The following ADGRL3 variants were observed in gnomAD, a reference collection of about 807,000 sequenced individuals.
The protein encoded by ADGRL3 is calcium-independent alpha-latrotoxin receptor 3.
A neutral mutation model predicts 153.5 loss-of-function variants in ADGRL3; 62 were observed. That is an observed-to-expected ratio of 0.40 (90% confidence interval 0.33 to 0.50). ADGRL3 has a LOEUF of 0.50. Ranked by LOEUF, ADGRL3 falls within the 20% of genes least tolerant of loss-of-function variation. ADGRL3 has a pLI of 0.47. For synonymous variants in ADGRL3, 710 were observed against 672.5 expected (o/e 1.06, Z -0.86); for missense variants, 1,641 against 1,859.4 (o/e 0.88, Z 2.16).
intron 13 of ADGRL3, 108 bp downstream of exon 13, chr4:61,912,865 G>A: frequency 9.9e-7 from 1 of 1,015,042 alleles, no homozygotes; most frequent in Admixed American, 2.0e-5. Flanking sequence ...TGAAATAAAG[G>A]AATTTCATGG....
At chr4:61,244,136 G>A (rs1300790375) in intron 1 of ADGRL3, among the ~76,000 whole-genome samples, 1 of 151,962 alleles carries the variant, frequency 6.6e-6, no homozygotes, top group East Asian at 1.9e-4. Context: ...ACCTTTGGCT[G>A]TGAAAGTTTA....
chr4:61,894,681 A>G (rs901773515), intron 10 of ADGRL3, among the ~76,000 whole-genome samples: 4 of 152,202 alleles, frequency 2.6e-5, no homozygotes, highest in African/African-American at 9.7e-5. Flanking sequence ...ATTACTGTCA[A>G]TACACCCCAG....
chr4:61,629,501 G>A (rs781440260), intron 5 of ADGRL3, among the ~76,000 whole-genome samples: 3 of 151,462 alleles, frequency 2.0e-5, no homozygotes, highest in East Asian at 2.0e-4. Context: ...GGCGGGTCAC[G>A]AGGTCAGGAG....
At chr4:61,588,562 C>A (rs1050121335) in intron 5 of ADGRL3, among the ~76,000 whole-genome samples, 6 of 151,854 alleles carry the variant, frequency 4.0e-5, no homozygotes, top group African/African-American at 1.4e-4. Context: ...ATGGGCAAAT[C>A]TGAGGGCTTT....
At chr4:61,549,306 T>C (rs758846589) in intron 4 of ADGRL3, among the ~76,000 whole-genome samples, 1 of 152,104 alleles carries the variant, frequency 6.6e-6, no homozygotes. Flanking sequence ...GGATGTCTTT[T>C]ATTTCTTTTT....
At chr4:61,210,562 C>T (rs888896072) in intron 1 of ADGRL3, among the ~76,000 whole-genome samples, 3 of 152,192 alleles carry the variant, frequency 2.0e-5, no homozygotes, top group Non-Finnish European at 4.4e-5. Flanking sequence ...TCCCCATTTC[C>T]TTTTTCTCAA....
rs185603105 is a variant in ADGRL3 at position 61,654,447 on chromosome 4, A to G, written c.474-22379A>G. ...TCCAGATGAATATATAAAATTGTTA[A>G]TATGCTGTAGGGATGTACTGTCTTT... is the stretch of plus-strand genomic sequence containing the variant. On this transcript the variant is annotated intron_variant, in intron 5 of 26. Coordinates refer to ENST00000683033, the MANE Select transcript of ADGRL3 (RefSeq NM_001387552.1). Among the ~76,000 whole-genome samples, 128 of 152,188 alleles carry G rather than the reference A, an allele frequency of 8.4e-4. 1 individual carries two copies. In the East Asian group the frequency reaches 0.012, roughly 15 times the overall value.
intron 7 of ADGRL3, among the ~76,000 whole-genome samples, chr4:61,731,369 C>A (rs903962685): frequency 1.3e-5 from 2 of 152,002 alleles, no homozygotes; most frequent in Admixed American, 6.6e-5. Context: ...AAAAGCTAAT[C>A]ACTAATGCCA....
chr4:61,473,853 T>C (rs1038725577), intron 2 of ADGRL3, among the ~76,000 whole-genome samples: 1 of 152,130 alleles, frequency 6.6e-6, no homozygotes, highest in Non-Finnish European at 1.5e-5. Flanking sequence ...ATGCCAAGTC[T>C]TGTGCTAGTT....
intron 9 of ADGRL3, among the ~76,000 whole-genome samples, chr4:61,857,491 A>C (rs1228999583): frequency 1.3e-5 from 2 of 152,114 alleles, no homozygotes; most frequent in Non-Finnish European, 2.9e-5. Context: ...CACTATGATG[A>C]AACAGTGTAC....
intron 19 of ADGRL3, among the ~76,000 whole-genome samples, chr4:61,992,715 A>C (rs2099107745): frequency 6.6e-6 from 1 of 152,240 alleles, no homozygotes; most frequent in African/African-American, 2.4e-5. Context: ...AAATAGATAT[A>C]AAATTTTTTC....
chr4:62,016,439 G>C lies in ADGRL3; in HGVS notation c.3396-12416G>C, dbSNP rs954805329. Among the ~76,000 whole-genome samples the C allele has an allele frequency of 6.6e-5, 10 of 152,086 alleles. 1 individual carries two copies. The East Asian group carries it at 1.7e-3, about 26-fold the overall frequency. On this transcript the variant is annotated intron_variant, in intron 21 of 26. Coordinates refer to ENST00000683033, the MANE Select transcript of ADGRL3 (RefSeq NM_001387552.1). The stretch of plus-strand genomic sequence containing the variant: ...TGAAGGATATTTTCCATTTCTTTAT[G>C]TAATGAGCTAAGTTTCCAACACCAT...
chr4:61,350,509 A>G (rs1297854134), intron 1 of ADGRL3, among the ~76,000 whole-genome samples: 1 of 152,096 alleles, frequency 6.6e-6, no homozygotes. Context: ...CACAGATACC[A>G]TGATTTTTGC....
intron 8 of ADGRL3, among the ~76,000 whole-genome samples, chr4:61,797,172 T>G (rs1268989197): frequency 1.3e-5 from 2 of 152,202 alleles, no homozygotes; most frequent in Non-Finnish European, 2.9e-5. Context: ...CTCAAAAGCC[T>G]TGTGCCTACA....
Position 61,865,567 on chromosome 4 carries a change from A to G in ADGRL3, c.1481-27089A>G, listed in dbSNP as rs192070922. Among the ~76,000 whole-genome samples the G allele has an allele frequency of 2.6e-5, 4 of 152,332 alleles. No homozygotes were observed. In the East Asian group the frequency reaches 7.7e-4, roughly 29 times the overall value. On this transcript the variant is annotated intron_variant, in intron 9 of 26. Transcript: ENST00000683033. ...CACAAACATTACTTTTAGTCCTAAA[A>G]TAATCCAGTTATTGAAATTCAGTGT...
intron 5 of ADGRL3, among the ~76,000 whole-genome samples, chr4:61,642,733 C>G (rs1580027786): frequency 6.6e-6 from 1 of 152,232 alleles, no homozygotes; most frequent in Admixed American, 6.5e-5. Flanking sequence ...ATGCCTCCAG[C>G]TTTGTTCTTT....
At chr4:61,708,117 G>T (rs1005320380) in intron 6 of ADGRL3, among the ~76,000 whole-genome samples, 1 of 151,884 alleles carries the variant, frequency 6.6e-6, no homozygotes, top group African/African-American at 2.4e-5. Context: ...CAAACTTACC[G>T]TCTTCTTTTT....
At chr4:61,712,191 C>T (rs928721973) in intron 6 of ADGRL3, among the ~76,000 whole-genome samples, 3 of 151,854 alleles carry the variant, frequency 2.0e-5, no homozygotes, top group Non-Finnish European at 2.9e-5. Flanking sequence ...CCCCGGAATT[C>T]GAGACCAGTC....
At chr4:61,763,388 T>C (rs1409800133) in intron 8 of ADGRL3, among the ~76,000 whole-genome samples, 1 of 151,850 alleles carries the variant, frequency 6.6e-6, no homozygotes, top group Admixed American at 6.6e-5. Context: ...GGTTTCACTA[T>C]GTTAGCAGGC....
Sources: gnomAD v4.1 joint callset for allele counts (sites outside exome capture counted in the v4.1 genomes callset) on GRCh38, gnomAD v4.1.1 for gene constraint, MANE v1.5 for transcripts, NCBI Gene and HGNC (gene_info 2026-07-23, HGNC 2026-07-21) for gene names.